PIP4K2B: variants seen among roughly 807,000 people sequenced by gnomAD.
The protein encoded by PIP4K2B is phosphatidylinositol 5-phosphate 4-kinase type-2 beta.
A neutral mutation model predicts 42.0 loss-of-function variants in PIP4K2B; 3 were observed. That is an observed-to-expected ratio of 0.07 (90% confidence interval 0.03 to 0.18). The LOEUF is 0.18. Ranked by LOEUF, PIP4K2B falls within the 10% of genes least tolerant of loss-of-function variation. The pLI is 1.00. For synonymous variants in PIP4K2B, 204 were observed against 210.1 expected (o/e 0.97, Z 0.25); for missense variants, 332 against 562.3 (o/e 0.59, Z 4.14).
chr17:38,794,155 AAAG>A (rs1274420960), intron 1 of PIP4K2B, among the ~76,000 whole-genome samples: 2 of 152,216 alleles, frequency 1.3e-5, no homozygotes, highest in African/African-American at 2.4e-5. Flanking sequence ...AGCCTTAATA[AAAG>A]AAGGAAATTC....
chr17:38,799,157 G>A lies in PIP4K2B; in HGVS notation c.159+109C>T. The A allele has an allele frequency of 1.7e-6, 2 of 1,205,706 alleles. No homozygotes were observed. The allele number at this position is 1,205,706 out of a possible 1,614,324, so 74.7% of individuals were successfully genotyped here. A position where few individuals can be genotyped will look rare whatever the true frequency, so the allele number is the denominator to read the frequency against. ...GGGGTGGGCGTGCAAGTGGCTTGGCGAGGGGTGGCAGGCGTCACCGGCAGG... is the reference window on the plus strand; with the variant it reads ...GGGGTGGGCGTGCAAGTGGCTTGGCAAGGGGTGGCAGGCGTCACCGGCAGG... On this transcript the variant is annotated intron_variant, in intron 1 of 9. Transcript: ENST00000619039. The surrounding 1 kb of genome is among the most constrained non-coding windows in gnomAD (Gnocchi z 4.4).
At position 38,787,447 on chromosome 17, in the gene PIP4K2B, G is replaced by C. The variant is rs538077405; in HGVS notation, c.160-527C>G. ...CCATGAAGTTTTCCAAGATTCTCTA[G>C]ACCATCAATACCCTTTCCCATCTTG... On this transcript the variant is annotated intron_variant, in intron 1 of 9. Coordinates refer to ENST00000619039, the MANE Select transcript of PIP4K2B (RefSeq NM_003559.5). 6.6e-5 allele frequency among the ~76,000 whole-genome samples: 10 copies of C among 152,228 alleles called. No individual in the cohort carries two copies. In the South Asian group the frequency reaches 1.9e-3, roughly 28 times the overall value.
At chr17:38,773,773 C>G (rs746152237) in intron 7 of PIP4K2B, among the ~76,000 whole-genome samples, 11 of 152,168 alleles carry the variant, frequency 7.2e-5, no homozygotes, top group Non-Finnish European at 1.6e-4. Flanking sequence ...ACTCTGAGCA[C>G]TTCCAGACAA....
chr17:38,789,441 CCTT>C (rs1301217751), intron 1 of PIP4K2B, among the ~76,000 whole-genome samples: 1 of 152,220 alleles, frequency 6.6e-6, no homozygotes, highest in Non-Finnish European at 1.5e-5. Flanking sequence ...ACAGAGGAAA[CCTT>C]AGTCCTGACT....
chr17:38,791,519 C>T (rs1226390048), intron 1 of PIP4K2B, among the ~76,000 whole-genome samples: 1 of 147,038 alleles, frequency 6.8e-6, no homozygotes, highest in East Asian at 2.1e-4. Context: ...AAGCAATTCT[C>T]CTGCCTCAGC....
rs552930345 is a variant in PIP4K2B at position 38,791,552 on chromosome 17, G to C, written c.160-4632C>G. On this transcript the variant is annotated intron_variant, in intron 1 of 9. Transcript: ENST00000619039. ...AGCCTCCTGAGTAGCTCGGATTATA[G>C]GCATGCACCACCATGCCCGGCTAAT... Among the ~76,000 whole-genome samples the C allele has an allele frequency of 1.4e-3, 205 of 150,670 alleles. 1 individual carries two copies. The highest frequency in any genetic ancestry group is 2.6e-3 in the Non-Finnish European group (173 of 67,774).
intron 3 of PIP4K2B, among the ~76,000 whole-genome samples, chr17:38,784,015 C>G (rs564540790): frequency 6.6e-6 from 1 of 152,286 alleles, no homozygotes; most frequent in East Asian, 1.9e-4. Context: ...TGCCCTCCCT[C>G]TGAGGGAGAG....
chr17:38,783,195 CAA>C (rs35913511), intron 3 of PIP4K2B, among the ~76,000 whole-genome samples: 17 of 55,918 alleles, frequency 3.0e-4, no homozygotes, highest in Non-Finnish European at 4.9e-4. Context: ...AACTCCATCT[CAA>C]AAAAAAAAAA....
At chr17:38,778,911 C>A (rs1476560584) in intron 5 of PIP4K2B, among the ~76,000 whole-genome samples, 3 of 152,168 alleles carry the variant, frequency 2.0e-5, no homozygotes, top group Non-Finnish European at 4.4e-5. Flanking sequence ...AGCACAGGCA[C>A]TGCAGGAACA....
chr17:38,775,546 C>T (rs967910366), intron 7 of PIP4K2B, among the ~76,000 whole-genome samples: 2 of 152,114 alleles, frequency 1.3e-5, no homozygotes, highest in South Asian at 4.1e-4. Flanking sequence ...CATGCTCAGC[C>T]TTATTCAGCT....
chr17:38,771,961 T>G (rs1308239848), intron 7 of PIP4K2B, among the ~76,000 whole-genome samples: 1 of 152,038 alleles, frequency 6.6e-6, no homozygotes, highest in African/African-American at 2.4e-5. Context: ...GCCCAGGAAT[T>G]TGAGGCTGCA....
chr17:38,770,521 ACCT>A lies in PIP4K2B; in HGVS notation c.1082_1084del (p.Glu361del), dbSNP rs1281980605. 23 of 1,602,312 alleles carry A rather than the reference ACCT, an allele frequency of 1.4e-5. No individual in the cohort carries two copies. Among genetic ancestry groups the A allele is most frequent in the Non-Finnish European group, 2.0e-5 (23 of 1,170,140 alleles). On this transcript the variant is annotated inframe_deletion, in exon 9 of 10. Coordinates refer to ENST00000619039, the MANE Select transcript of PIP4K2B (RefSeq NM_003559.5). ...GATATCAATGATGGCCATGAAATAC[ACCT>A]CCTTCTTGGGGGAACCTGGAGGGAC...
intron 1 of PIP4K2B, among the ~76,000 whole-genome samples, chr17:38,798,572 T>C (rs1910771823): frequency 1.3e-5 from 2 of 152,156 alleles, no homozygotes; most frequent in South Asian, 4.1e-4. Context: ...GGAAGACATA[T>C]TATTTCTACT....
chr17:38,777,903 G>A, intron 6 of PIP4K2B, 103 bp from the exon 7 acceptor site: 1 of 800,170 alleles, frequency 1.2e-6, no homozygotes, highest in South Asian at 1.4e-5. Flanking sequence ...GGAAGGAGGG[G>A]TTGTCAGTGT....
At position 38,799,219 on chromosome 17, in the gene PIP4K2B, GGGAGCGCGCGGGGCCGCGCTCAGA is replaced by G. The variant is rs1379434527; in HGVS notation, c.159+23_159+46del. On this transcript the variant is annotated intron_variant, in intron 1 of 9. Transcript: ENST00000619039. The surrounding 1 kb of genome is among the most constrained non-coding windows in gnomAD (Gnocchi z 4.4). Reference sequence around the variant, plus strand: ...AAGGGCCCAGGGCTGCAGGGGGCGTGGGAGCGCGCGGGGCCGCGCTCAGAGGGGCGCGCAGGAGCTGGTTACCGT... The same window carrying G: ...AAGGGCCCAGGGCTGCAGGGGGCGTGGGGGCGCGCAGGAGCTGGTTACCGT... The G allele has an allele frequency of 1.3e-6, 2 of 1,533,454 alleles. No homozygotes were observed. Among genetic ancestry groups the G allele is most frequent in the Admixed American group, 2.0e-5 (1 of 51,220 alleles). 95.0% of individuals were successfully genotyped at this position (1,533,454 alleles called of 1,614,324 possible).
intron 1 of PIP4K2B, among the ~76,000 whole-genome samples, chr17:38,797,633 CCT>C (rs1311422399): frequency 1.3e-5 from 2 of 152,180 alleles, no homozygotes; most frequent in Non-Finnish European, 2.9e-5. Flanking sequence ...CTGTAATACT[CCT>C]GACTCTCAGG....
chr17:38,769,451 A>G lies in PIP4K2B; in HGVS notation c.*240T>C. On this transcript the variant is annotated 3_prime_UTR_variant, in exon 10 of 10. Coordinates refer to ENST00000619039, the MANE Select transcript of PIP4K2B (RefSeq NM_003559.5). Reference sequence around the variant, plus strand: ...TAACCTGGGTGTCAAATGGGGAGAAAAAATCAAGGGTAAGCAGAAGGTGGG... The same window carrying G: ...TAACCTGGGTGTCAAATGGGGAGAAGAAATCAAGGGTAAGCAGAAGGTGGG... The G allele has an allele frequency of 2.0e-6, 1 of 503,628 alleles. No homozygotes were observed. The highest frequency in any genetic ancestry group is 3.5e-5 in the South Asian group (1 of 28,286). 31.2% of individuals were successfully genotyped at this position (503,628 alleles called of 1,614,324 possible). A position where few individuals can be genotyped will look rare whatever the true frequency, so the allele number is the denominator to read the frequency against.
intron 7 of PIP4K2B, chr17:38,776,635 AAC>A: frequency 6.7e-6 from 3 of 445,328 alleles, no homozygotes; most frequent in African/African-American, 4.1e-5. Flanking sequence ...CCTAAAAAAA[AAC>A]AAAACAAACA....
intron 1 of PIP4K2B, among the ~76,000 whole-genome samples, chr17:38,787,722 T>C (rs1022284843): frequency 6.6e-6 from 1 of 152,196 alleles, no homozygotes; most frequent in African/African-American, 2.4e-5. Context: ...GCCTCCCAAG[T>C]AGCTGGGATT....
Sources: allele counts gnomAD v4.1 joint callset (sites outside exome capture counted in the v4.1 genomes callset), GRCh38; gene constraint gnomAD v4.1.1; non-coding constraint Gnocchi (gnomAD v3.1); transcripts MANE v1.5; gene names NCBI Gene and HGNC (gene_info 2026-07-23, HGNC 2026-07-21).